Variants in QNG1 observed in about 807,000 individuals in gnomAD.
QNG1 encodes queuosine 5'-phosphate N-glycosylase/hydrolase.
At chr9:83,941,090 C>T in the QNG1 span, among the ~76,000 whole-genome samples, 2 of 152,202 alleles carry the variant, frequency 1.3e-5, no homozygotes, top group Non-Finnish European at 2.9e-5. Flanking sequence ...GTAGAGCTAT[C>T]AGGTAAGACA....
the QNG1 span, among the ~76,000 whole-genome samples, chr9:83,940,653 C>T: frequency 1.1e-4 from 16 of 152,086 alleles, no homozygotes; most frequent in African/African-American, 3.9e-4. Context: ...TGAGAGAAGT[C>T]AGGAAGTTTG....
At chr9:83,942,260 T>A in the QNG1 span, among the ~76,000 whole-genome samples, 1 of 152,160 alleles carries the variant, frequency 6.6e-6, no homozygotes, top group East Asian at 1.9e-4. Context: ...GAAAAAGACA[T>A]TTAAGTGGAC....
At chr9:83,950,932 T>G in the QNG1 span, among the ~76,000 whole-genome samples, 2 of 152,132 alleles carry the variant, frequency 1.3e-5, no homozygotes, top group African/African-American at 4.8e-5. Context: ...TATTCCATAA[T>G]TTTATCATGA....
the QNG1 span, among the ~76,000 whole-genome samples, chr9:83,941,830 T>G: frequency 1.3e-5 from 2 of 151,926 alleles, no homozygotes; most frequent in Non-Finnish European, 2.9e-5. Flanking sequence ...GGAGAATCAC[T>G]TGAACCCGGG....
the QNG1 span, among the ~76,000 whole-genome samples, chr9:83,950,986 G>A: frequency 2.0e-5 from 3 of 152,182 alleles, no homozygotes; most frequent in Non-Finnish European, 4.4e-5. Flanking sequence ...GAACAACATA[G>A]GCCAAGTGCG....
chr9:83,955,951 C>T, the QNG1 span, among the ~76,000 whole-genome samples: 11 of 152,170 alleles, frequency 7.2e-5, no homozygotes, highest in Non-Finnish European at 1.3e-4. Context: ...GCTACTGTAA[C>T]TTTTATGCTG....
the QNG1 span, among the ~76,000 whole-genome samples, chr9:83,944,593 T>C: frequency 6.6e-6 from 1 of 152,230 alleles, no homozygotes; most frequent in Non-Finnish European, 1.5e-5. Context: ...TAGCACAATT[T>C]TCTACAATAT....
the QNG1 span, chr9:83,956,179 T>C: frequency 1.2e-6 from 2 of 1,611,172 alleles, no homozygotes; most frequent in South Asian, 1.1e-5. Context: ...TCGAGGGCTC[T>C]GTTGACGGCG....
chr9:83,941,175 A>G, the QNG1 span, among the ~76,000 whole-genome samples: 1 of 152,214 alleles, frequency 6.6e-6, no homozygotes, highest in South Asian at 2.1e-4. Flanking sequence ...TTCCTGACCC[A>G]GGATCATAAA....
the QNG1 span, chr9:83,944,978 A>G: frequency 1.9e-6 from 3 of 1,603,810 alleles, no homozygotes; most frequent in East Asian, 2.2e-5. Context: ...TGTAAAAAGA[A>G]ACTCTTTTCC....
At chr9:83,956,148 C>T in the QNG1 span, 1 of 1,605,922 alleles carries the variant, frequency 6.2e-7, no homozygotes, top group South Asian at 1.1e-5. Flanking sequence ...GGTCCGATGG[C>T]AAGTATGGCA....
At chr9:83,946,761 G>A in the QNG1 span, among the ~76,000 whole-genome samples, 31 of 152,164 alleles carry the variant, frequency 2.0e-4, no homozygotes, top group African/African-American at 6.5e-4. Context: ...CACCACACCT[G>A]GCTAATTTTC....
chr9:83,946,045 G>A, the QNG1 span, among the ~76,000 whole-genome samples: 10 of 151,950 alleles, frequency 6.6e-5, no homozygotes, highest in African/African-American at 2.4e-4. Context: ...GGTGGCTCAC[G>A]CCTGTAATCC....
At chr9:83,939,337 G>A in the QNG1 span, 8 of 579,330 alleles carry the variant, frequency 1.4e-5, no homozygotes, top group Non-Finnish European at 2.4e-5. Context: ...CTCCCACAGT[G>A]CTGGGATTAC....
At chr9:83,952,204 G>A in the QNG1 span, among the ~76,000 whole-genome samples, 4 of 151,566 alleles carry the variant, frequency 2.6e-5, no homozygotes, top group East Asian at 1.9e-4. Context: ...GGCTGGTCTC[G>A]ACCTCCTGGG....
the QNG1 span, chr9:83,953,817 A>G: frequency 1.9e-6 from 3 of 1,549,214 alleles, no homozygotes; most frequent in East Asian, 4.9e-5. Flanking sequence ...AGGGTCCAAC[A>G]AAATGATCAT....
the QNG1 span, chr9:83,956,420 G>A: frequency 1.9e-6 from 3 of 1,581,784 alleles, no homozygotes; most frequent in Non-Finnish European, 1.7e-6. Flanking sequence ...CCCTCCGTAC[G>A]CCTCCGCTGT....
chr9:83,950,119 G>C, the QNG1 span, among the ~76,000 whole-genome samples: 152 of 148,860 alleles, frequency 1.0e-3, no homozygotes, highest in African/African-American at 3.7e-3. Context: ...GTGCAATCTC[G>C]GCTCACTGCA....
At chr9:83,943,441 A>G in the QNG1 span, among the ~76,000 whole-genome samples, 1 of 152,000 alleles carries the variant, frequency 6.6e-6, no homozygotes, top group South Asian at 2.1e-4. Context: ...AAAAAAAAGC[A>G]GCTTAATATG....
Sources: gnomAD v4.1 joint callset for allele counts (sites outside exome capture counted in the v4.1 genomes callset) on GRCh38, gnomAD v4.1.1 for gene constraint, MANE v1.5 for transcripts, NCBI Gene and HGNC (gene_info 2026-07-23, HGNC 2026-07-21) for gene names.